Variants in AMOTL1 observed in about 807,000 individuals in gnomAD.
AMOTL1 encodes angiomotin-like protein 1.
A neutral mutation model predicts 102.9 loss-of-function variants in AMOTL1; 45 were observed. The observed-to-expected ratio is 0.44, with a 90% confidence interval of 0.34 to 0.56. The LOEUF (loss-of-function observed/expected upper bound fraction) is 0.56. AMOTL1 is among the 20% of genes least tolerant of loss of function. AMOTL1 has a pLI of 0.01. For synonymous variants in AMOTL1, 481 were observed against 484.7 expected (o/e 0.99, Z 0.10); for missense variants, 1,114 against 1,225.6 (o/e 0.91, Z 1.36).
At chr11:94,725,215 G>A (rs1421772604) in intron 1 of AMOTL1, among the ~76,000 whole-genome samples, 1 of 152,096 alleles carries the variant, frequency 6.6e-6, no homozygotes, top group African/African-American at 2.4e-5. Flanking sequence ...GGGTACAAGG[G>A]CAGGTATGTA....
chr11:94,865,678 G>A (rs1302489133), intron 10 of AMOTL1, among the ~76,000 whole-genome samples: 1 of 152,162 alleles, frequency 6.6e-6, no homozygotes, highest in African/African-American at 2.4e-5. Context: ...GCCGACTTCG[G>A]TCCAGGAATG....
At chr11:94,789,967 G>T (rs1352845487) in intron 1 of AMOTL1, among the ~76,000 whole-genome samples, 3 of 152,192 alleles carry the variant, frequency 2.0e-5, no homozygotes, top group Non-Finnish European at 4.4e-5. Context: ...CCTGGGAGTT[G>T]TTCTGCAGTT....
At chr11:94,853,807 C>A in intron 7 of AMOTL1, 126 bp from the exon 8 acceptor site, 1 of 1,007,022 alleles carries the variant, frequency 9.9e-7, no homozygotes, top group Non-Finnish European at 1.5e-6. Context: ...AGGAGTAGGG[C>A]GGTGGGAGGT....
At chr11:94,801,321 G>A (rs1458619481) in intron 3 of AMOTL1, among the ~76,000 whole-genome samples, 1 of 152,126 alleles carries the variant, frequency 6.6e-6, no homozygotes, top group Admixed American at 6.5e-5. Context: ...AGCACTGGTG[G>A]GCAAGGGTGT....
intron 1 of AMOTL1, among the ~76,000 whole-genome samples, chr11:94,770,156 G>T (rs1196630794): frequency 6.6e-6 from 1 of 152,182 alleles, no homozygotes; most frequent in Non-Finnish European, 1.5e-5. Context: ...AGCTGTGGAA[G>T]TCAGACCCAG....
At chr11:94,831,401 T>C (rs1182868524) in intron 5 of AMOTL1, 51 bp from the exon 6 acceptor site, 76 of 1,447,472 alleles carry the variant, frequency 5.3e-5, no homozygotes, top group Non-Finnish European at 7.0e-5. Context: ...GGTTAGATGA[T>C]GACTTCAATC....
intron 6 of AMOTL1, among the ~76,000 whole-genome samples, chr11:94,846,588 A>C (rs1952417270): frequency 6.6e-6 from 1 of 152,224 alleles, no homozygotes; most frequent in Non-Finnish European, 1.5e-5. Context: ...AAATGGATAC[A>C]CATGTGAATG....
chr11:94,866,797 G>C (rs907685497), intron 11 of AMOTL1: 1 of 155,660 alleles, frequency 6.4e-6, no homozygotes, highest in Non-Finnish European at 1.4e-5. Context: ...AATGGGGAGA[G>C]CACATTGGAA....
At position 94,873,720 on chromosome 11, in the gene AMOTL1, G is replaced by A. The variant is rs1271280427; in HGVS notation, c.*2925G>A. On this transcript the variant is annotated 3_prime_UTR_variant, in exon 13 of 13. Transcript: ENST00000433060. The stretch of plus-strand genomic sequence containing the variant: ...CTGGCTGTACAGCCTCTAACATGCG[G>A]CACTGCATCTTGGCAGTCTCTATGC... 1 of 151,890 alleles carries A rather than the reference G, an allele frequency of 6.6e-6. No individual in the cohort carries two copies. Among genetic ancestry groups the A allele is most frequent in the East Asian group, 2.0e-4 (1 of 5,128 alleles). 9.4% of individuals were successfully genotyped at this position (151,890 alleles called of 1,614,324 possible).
At chr11:94,757,400 T>C (rs966088557) in intron 3 of AMOTL1, among the ~76,000 whole-genome samples, 1 of 152,066 alleles carries the variant, frequency 6.6e-6, no homozygotes, top group Non-Finnish European at 1.5e-5. Context: ...GCCAATATCA[T>C]AGGACTACTA....
intron 6 of AMOTL1, among the ~76,000 whole-genome samples, chr11:94,848,037 A>G (rs1952453780): frequency 6.6e-6 from 1 of 152,168 alleles, no homozygotes; most frequent in Non-Finnish European, 1.5e-5. Context: ...CTGCTTAGTA[A>G]TACCTGAGTG....
intron 3 of AMOTL1, 82 bp from the exon 4 acceptor site, chr11:94,821,448 A>C: frequency 7.0e-7 from 1 of 1,432,280 alleles, no homozygotes; most frequent in East Asian, 2.5e-5. Context: ...GGAAGCCATC[A>C]ACAGTGCCAG....
At chr11:94,767,672 AG>A (rs1950872051), upstream of AMOTL1, among the ~76,000 whole-genome samples, 1 of 152,202 alleles carries the variant, frequency 6.6e-6, no homozygotes, top group African/African-American at 2.4e-5. Context: ...CAATATAATG[AG>A]GTGGATGAGT....
intron 1 of AMOTL1, among the ~76,000 whole-genome samples, chr11:94,783,750 G>C (rs1039599556): frequency 4.6e-5 from 7 of 152,178 alleles, no homozygotes; most frequent in African/African-American, 1.7e-4. Context: ...TCTCTTGATA[G>C]ACTTTCAGAT....
intron 9 of AMOTL1, among the ~76,000 whole-genome samples, chr11:94,860,648 A>G (rs926230004): frequency 1.3e-5 from 2 of 152,202 alleles, no homozygotes; most frequent in African/African-American, 4.8e-5. Flanking sequence ...TCTGCCCATA[A>G]GTTATATTGG....
intron 2 of AMOTL1, among the ~76,000 whole-genome samples, chr11:94,798,174 C>T (rs1197128317): frequency 2.6e-5 from 4 of 152,208 alleles, no homozygotes; most frequent in African/African-American, 9.6e-5. Flanking sequence ...GTGAACATCT[C>T]TCCTCTTCTG....
rs1208890363 is a variant in AMOTL1, at chr11:94,821,658, C to T, written c.1250C>T (p.Ala417Val). 1 of 1,613,836 alleles carries T rather than the reference C, an allele frequency of 6.2e-7. No homozygotes were observed. Among genetic ancestry groups the T allele is most frequent in the Non-Finnish European group, 8.5e-7 (1 of 1,179,894 alleles). Reference protein sequence around the residue: ...LPLPLPMALGAPQPPPAASPS... With the variant: ...LPLPLPMALGVPQPPPAASPS... ...CTTCCACTCCCGATGGCCCTGGGTG[C>T]TCCACAGCCCCCGCCTGCCGCCTCC... Residue 417 changes from alanine to valine, a missense_variant, in exon 4 of 13, where the codon GCT becomes GTT. Transcript: ENST00000433060.
rs77127753 is a variant in AMOTL1, at chr11:94,869,461, G to T, written c.2752G>T (p.Ala918Ser). 6.3e-7 allele frequency: 1 copy of T among 1,599,488 alleles called. No individual in the cohort carries two copies. Among genetic ancestry groups the T allele is most frequent in the South Asian group, 1.1e-5 (1 of 88,498 alleles). ...VLKHPAAKGT[A>S]EKLENSPGHG... Reference sequence around the variant, plus strand: ...GAAACACCCAGCGGCCAAAGGGACCGCAGAGAAACTGGGTATGTGGGCTAC... The same window carrying T: ...GAAACACCCAGCGGCCAAAGGGACCTCAGAGAAACTGGGTATGTGGGCTAC... The change falls in exon 12 of 13, where the codon GCA becomes TCA. Residue 918 changes from alanine to serine, a missense_variant. By Grantham distance (99) the Ala-to-Ser change is moderately conservative. Transcript: ENST00000433060.
rs758880657 is a variant in AMOTL1 at position 94,821,833 on chromosome 11, C to T, written c.1413+12C>T. On this transcript the variant is annotated intron_variant, in intron 4 of 12. Transcript: ENST00000433060. ...ACAAGCTCCACAAGGTGCGTGACTT[C>T]CCTGGGGAATGGGAGGGAGACAAAT... 6.2e-6 allele frequency: 10 copies of T among 1,610,236 alleles called. No homozygotes were observed. The highest frequency in any genetic ancestry group is 7.6e-6 in the Non-Finnish European group (9 of 1,177,280).
Sources: gnomAD v4.1 joint callset for allele counts (sites outside exome capture counted in the v4.1 genomes callset) on GRCh38, gnomAD v4.1.1 for gene constraint, MANE v1.5 for transcripts, NCBI Gene and HGNC (gene_info 2026-07-23, HGNC 2026-07-21) for gene names.